Variants in ZNRF2 observed in about 807,000 individuals in gnomAD.
ZNRF2 encodes E3 ubiquitin-protein ligase ZNRF2.
In ZNRF2, 16 loss-of-function variants were observed where a neutral mutation model predicts 20.4. The observed-to-expected ratio is 0.79, with a 90% CI of 0.53 to 1.19. The LOEUF is 1.19. ZNRF2 is among the 50% of genes most tolerant of loss of function. The probability of loss-of-function intolerance (pLI) is 0.00; values close to 1 mark genes in which losing one functional copy is unlikely to be tolerated. For synonymous variants in ZNRF2, 178 were observed against 144.9 expected (o/e 1.23, Z -1.64); for missense variants, 363 against 332.4 (o/e 1.09, Z -0.72).
intron 2 of ZNRF2, among the ~76,000 whole-genome samples, chr7:30,347,909 A>G (rs1413155706): frequency 6.6e-6 from 1 of 152,196 alleles, no homozygotes; most frequent in Non-Finnish European, 1.5e-5. Flanking sequence ...CATGTTGCAT[A>G]AGTTCTAATT....
At chr7:30,328,555 A>G (rs1799587344) in intron 2 of ZNRF2, among the ~76,000 whole-genome samples, 1 of 152,204 alleles carries the variant, frequency 6.6e-6, no homozygotes, top group African/African-American at 2.4e-5. Context: ...GACTGGATAT[A>G]TTTATATAGA....
intron 1 of ZNRF2, among the ~76,000 whole-genome samples, chr7:30,287,328 T>C (rs373712712): frequency 1.3e-5 from 2 of 152,248 alleles, no homozygotes; most frequent in African/African-American, 4.8e-5. Context: ...TTTATCATTA[T>C]CTTTTTAAAG....
chr7:30,342,892 T>G (rs192081814), intron 2 of ZNRF2, among the ~76,000 whole-genome samples: 1 of 152,226 alleles, frequency 6.6e-6, no homozygotes, highest in East Asian at 1.9e-4. Context: ...TGTAGAGGAC[T>G]TTTTTCCCCC....
intron 2 of ZNRF2, among the ~76,000 whole-genome samples, chr7:30,329,440 C>T (rs186403822): frequency 6.2e-4 from 94 of 152,264 alleles, no homozygotes; most frequent in African/African-American, 2.1e-3. Context: ...TTATATCCCC[C>T]TTCCCCAGTA....
At chr7:30,290,979 A>T (rs867659999) in intron 1 of ZNRF2, among the ~76,000 whole-genome samples, 4 of 152,242 alleles carry the variant, frequency 2.6e-5, no homozygotes, top group African/African-American at 9.6e-5. Context: ...TCATTATACA[A>T]TGCAACAAAT....
intron 2 of ZNRF2, among the ~76,000 whole-genome samples, chr7:30,341,063 AT>A (rs1298385180): frequency 1.3e-5 from 2 of 152,118 alleles, no homozygotes; most frequent in Non-Finnish European, 2.9e-5. Context: ...GGTAGTCTGT[AT>A]TTCTGCGGGA....
At position 30,325,362 on chromosome 7, in the gene ZNRF2, A is replaced by G. The variant is rs376702951; in HGVS notation, c.565+1625A>G. On this transcript the variant is annotated intron_variant, in intron 2 of 4. Coordinates refer to ENST00000323037, the MANE Select transcript of ZNRF2 (RefSeq NM_147128.4). Reference sequence around the variant, plus strand: ...TCAACATATATTTTGAGCATCAATTATGTGCGAGGTACTGTGTTAGGAATT... The same window carrying G: ...TCAACATATATTTTGAGCATCAATTGTGTGCGAGGTACTGTGTTAGGAATT... Among the ~76,000 whole-genome samples the G allele has an allele frequency of 3.3e-5, 5 of 152,314 alleles. 1 individual carries two copies. In the East Asian group the frequency reaches 7.7e-4, roughly 23 times the overall value.
At chr7:30,313,326 T>G (rs997981313) in intron 1 of ZNRF2, among the ~76,000 whole-genome samples, 12 of 152,170 alleles carry the variant, frequency 7.9e-5, no homozygotes, top group Non-Finnish European at 5.9e-5. Context: ...TTCTCTTCAT[T>G]TGACTTCCAC....
chr7:30,333,904 C>G (rs758231681), intron 2 of ZNRF2, among the ~76,000 whole-genome samples: 1 of 152,038 alleles, frequency 6.6e-6, no homozygotes, highest in African/African-American at 2.4e-5. Flanking sequence ...AGTCCTTTGT[C>G]GATGCACAGC....
intron 2 of ZNRF2, among the ~76,000 whole-genome samples, chr7:30,349,804 T>A (rs1218786181): frequency 6.6e-6 from 1 of 152,154 alleles, no homozygotes; most frequent in African/African-American, 2.4e-5. Flanking sequence ...TACTTCAAAG[T>A]ATACTTTATT....
Position 30,284,684 on chromosome 7 carries a change from C to T in ZNRF2, c.-674C>T, listed in dbSNP as rs545627962. On this transcript the variant is annotated 5_prime_UTR_variant, in exon 1 of 5. Coordinates refer to ENST00000323037, the MANE Select transcript of ZNRF2 (RefSeq NM_147128.4). ...GGGAACCTCCTCCCCATCTGCGCAC[C>T]CCCCGCCTTCGCGGCCCAGATCCTC... is the stretch of plus-strand genomic sequence containing the variant. The T allele has an allele frequency of 6.2e-5, 10 of 160,864 alleles. No individual in the cohort carries two copies. The highest frequency in any genetic ancestry group is 1.2e-4 in the Non-Finnish European group (9 of 72,450). The allele number at this position is 160,864 out of a possible 1,614,324, so 10.0% of individuals were successfully genotyped here.
intron 2 of ZNRF2, among the ~76,000 whole-genome samples, chr7:30,336,723 A>T (rs1234793719): frequency 6.6e-6 from 1 of 152,134 alleles, no homozygotes; most frequent in African/African-American, 2.4e-5. Context: ...TTTGATCTCG[A>T]TATTAGAGAA....
Position 30,303,816 on chromosome 7 carries a change from A to G in ZNRF2, c.469+17990A>G, listed in dbSNP as rs143885549. Among the ~76,000 whole-genome samples the G allele has an allele frequency of 7.5e-3, 1,143 of 152,282 alleles. 18 individuals carry two copies. The highest frequency in any genetic ancestry group is 0.026 in the African/African-American group (1,083 of 41,552). ...CTTGGAGGCAGAAAGGGTACCAGCA[A>G]TCTGTGTTCTAATAAACCTTCCAGG... On this transcript the variant is annotated intron_variant, in intron 1 of 4. Transcript: ENST00000323037.
At chr7:30,314,746 CT>C in intron 1 of ZNRF2, among the ~76,000 whole-genome samples, 1 of 151,416 alleles carries the variant, frequency 6.6e-6, no homozygotes, top group Non-Finnish European at 1.5e-5. Context: ...ATCTCAAGTA[CT>C]TTATCGCTCT....
intron 1 of ZNRF2, among the ~76,000 whole-genome samples, chr7:30,314,892 C>T (rs1020297704): frequency 9.9e-5 from 15 of 151,832 alleles, no homozygotes; most frequent in Non-Finnish European, 1.0e-4. Context: ...ACTTGGCTCA[C>T]TGCAAGCTCT....
chr7:30,363,136 CAAAAG>C (rs1036812569), intron 4 of ZNRF2, among the ~76,000 whole-genome samples: 7 of 151,422 alleles, frequency 4.6e-5, no homozygotes, highest in South Asian at 2.1e-4. Flanking sequence ...AAACAAAAAA[CAAAAG>C]AGAATCACTT....
intron 2 of ZNRF2, among the ~76,000 whole-genome samples, chr7:30,344,317 A>G (rs923074718): frequency 6.6e-6 from 1 of 151,268 alleles, no homozygotes; most frequent in African/African-American, 2.4e-5. Flanking sequence ...TATTTCTTAT[A>G]ACTGTATTTC....
At chr7:30,341,353 G>C (rs1257409705) in intron 2 of ZNRF2, among the ~76,000 whole-genome samples, 1 of 151,950 alleles carries the variant, frequency 6.6e-6, no homozygotes, top group East Asian at 1.9e-4. Flanking sequence ...GATCTTTCCC[G>C]CTTTCTCCTG....
chr7:30,305,605 A>G (rs993453506), intron 1 of ZNRF2, among the ~76,000 whole-genome samples: 2 of 152,100 alleles, frequency 1.3e-5, no homozygotes, highest in Non-Finnish European at 2.9e-5. Flanking sequence ...TCATTTTAGC[A>G]AGGAGTACAC....
Sources: gnomAD v4.1 joint callset for allele counts (sites outside exome capture counted in the v4.1 genomes callset) on GRCh38, gnomAD v4.1.1 for gene constraint, MANE v1.5 for transcripts, NCBI Gene and HGNC (gene_info 2026-07-23, HGNC 2026-07-21) for gene names.